PSD3: variants seen among roughly 807,000 people sequenced by gnomAD.
PSD3 encodes PH and SEC7 domain-containing protein 3.
In PSD3, 49 loss-of-function variants were observed where a neutral mutation model predicts 105.5. The ratio of observed to expected loss-of-function variants is 0.46; its 90% confidence interval spans 0.37 to 0.59. The LOEUF (loss-of-function observed/expected upper bound fraction) is 0.59, where lower values mean the gene tolerates loss of function less well. Ranked by LOEUF, PSD3 falls within the 20% of genes least tolerant of loss-of-function variation. PSD3 has a pLI of 0.00. For missense variants in PSD3, 1,561 were observed against 1,263.8 expected (o/e 1.24, Z -3.57); for synonymous variants, 557 against 457.8 (o/e 1.22, Z -2.77).
chr8:18,869,187 C>A (rs1332741339), intron 3 of PSD3, among the ~76,000 whole-genome samples: 1 of 106,454 alleles, frequency 9.4e-6, no homozygotes, highest in African/African-American at 4.1e-5. Flanking sequence ...CCACTCTCCC[C>A]TGCTTTTTTT....
intron 8 of PSD3, among the ~76,000 whole-genome samples, chr8:18,768,283 T>C (rs1807203499): frequency 6.7e-6 from 1 of 148,892 alleles, no homozygotes; most frequent in Non-Finnish European, 1.5e-5. Context: ...GAGAGTCCAG[T>C]TCAAAAAATA....
At chr8:18,593,145 C>T (rs1219005078) in intron 12 of PSD3, among the ~76,000 whole-genome samples, 3 of 152,076 alleles carry the variant, frequency 2.0e-5, no homozygotes, top group African/African-American at 7.2e-5. Context: ...AACTAAAGAG[C>T]TTCTGCACAG....
intron 9 of PSD3, among the ~76,000 whole-genome samples, chr8:18,665,440 A>G (rs772673349): frequency 3.9e-5 from 6 of 152,264 alleles, no homozygotes; most frequent in Non-Finnish European, 8.8e-5. Flanking sequence ...CTGCAATCTC[A>G]TGGTAAAACA....
intron 4 of PSD3, among the ~76,000 whole-genome samples, chr8:18,839,834 G>A (rs1244457749): frequency 6.6e-6 from 1 of 152,128 alleles, no homozygotes. Context: ...GCTCCACACT[G>A]TGTCTTCCCT....
rs112591304 is a variant in PSD3, at chr8:18,915,696, T to C, written c.130+20338A>G. ...CGATAAGGTATCACCTCGAATCTGT[T>C]AGAATGGCTAATATCAAAAAGATAA... is the stretch of plus-strand genomic sequence containing the variant. On this transcript the variant is annotated intron_variant, in intron 2 of 15. Transcript: ENST00000327040. Among the ~76,000 whole-genome samples, 1,089 of 152,242 alleles carry C rather than the reference T, an allele frequency of 7.2e-3. 4 individuals are homozygous for C. Among genetic ancestry groups the C allele is most frequent in the Middle Eastern group, 0.017 (5 of 294 alleles).
chr8:18,917,111 C>T lies in PSD3; in HGVS notation c.130+18923G>A, dbSNP rs531966260. 2.6e-5 allele frequency among the ~76,000 whole-genome samples: 4 copies of T among 152,200 alleles called. No individual in the cohort carries two copies. The South Asian group carries it at 8.3e-4, about 32-fold the overall frequency. The stretch of plus-strand genomic sequence containing the variant: ...CCAGCTGCCCAAAGCAGAAACTACC[C>T]TCAATGCCTTCACCTTCTTTTCTTC... On this transcript the variant is annotated intron_variant, in intron 2 of 15. Coordinates refer to ENST00000327040, the MANE Select transcript of PSD3 (RefSeq NM_015310.4).
chr8:18,565,544 T>G (rs1163912128), intron 14 of PSD3, among the ~76,000 whole-genome samples: 1 of 151,836 alleles, frequency 6.6e-6, no homozygotes, highest in African/African-American at 2.4e-5. Context: ...AATGACAGGG[T>G]GACAAACACT....
chr8:18,707,814 T>C (rs1249700251), intron 9 of PSD3, among the ~76,000 whole-genome samples: 1 of 152,140 alleles, frequency 6.6e-6, no homozygotes, highest in Non-Finnish European at 1.5e-5. Context: ...GGATGGGAAG[T>C]AAGAGACGCA....
intron 1 of PSD3, among the ~76,000 whole-genome samples, chr8:18,951,189 G>C (rs1304164725): frequency 6.6e-6 from 1 of 152,158 alleles, no homozygotes; most frequent in Non-Finnish European, 1.5e-5. Context: ...GAGCCCAGGA[G>C]TTCAAGACCA....
At chr8:18,940,820 T>C (rs934524549) in intron 1 of PSD3, among the ~76,000 whole-genome samples, 2 of 152,202 alleles carry the variant, frequency 1.3e-5, no homozygotes, top group Admixed American at 6.5e-5. Context: ...CATGGAGATC[T>C]ATCCGTCTTG....
chr8:18,571,438 TACC>T (rs1415285487), intron 14 of PSD3, among the ~76,000 whole-genome samples: 13 of 152,138 alleles, frequency 8.5e-5, no homozygotes, highest in African/African-American at 3.1e-4. Context: ...GCACATTAGG[TACC>T]ACATTTCCTC....
At chr8:18,590,718 A>G (rs1034980335) in intron 12 of PSD3, among the ~76,000 whole-genome samples, 4 of 152,188 alleles carry the variant, frequency 2.6e-5, no homozygotes, top group African/African-American at 9.7e-5. Context: ...AAAGTGGGGG[A>G]AAAGTTAAAT....
At chr8:18,811,470 TA>T (rs1216193261) in intron 4 of PSD3, among the ~76,000 whole-genome samples, 1 of 152,052 alleles carries the variant, frequency 6.6e-6, no homozygotes, top group Non-Finnish European at 1.5e-5. Flanking sequence ...GAGCTAAAAA[TA>T]AAGAATTTAA....
chr8:18,780,094 T>G (rs1013908057), intron 8 of PSD3, among the ~76,000 whole-genome samples: 16 of 152,212 alleles, frequency 1.1e-4, no homozygotes. Flanking sequence ...TTTCTATATC[T>G]GCATGCTCCA....
intron 11 of PSD3, among the ~76,000 whole-genome samples, chr8:18,618,463 A>T (rs1178052969): frequency 6.6e-6 from 1 of 151,382 alleles, no homozygotes; most frequent in Non-Finnish European, 1.5e-5. Flanking sequence ...TTTTGTCAAC[A>T]ATATCATTTT....
chr8:18,848,412 C>T (rs574416214), intron 4 of PSD3, among the ~76,000 whole-genome samples: 82 of 152,274 alleles, frequency 5.4e-4, no homozygotes, highest in Non-Finnish European at 9.3e-4. Context: ...AGAGCTGGTC[C>T]CCTGGTTGCA....
At chr8:18,824,885 G>C (rs1048900647) in intron 4 of PSD3, among the ~76,000 whole-genome samples, 2 of 152,062 alleles carry the variant, frequency 1.3e-5, no homozygotes, top group African/African-American at 2.4e-5. Context: ...TCAAGTATTT[G>C]AACAAACAAG....
At chr8:18,993,207 A>G (rs1420084632) in intron 1 of PSD3, among the ~76,000 whole-genome samples, 1 of 152,194 alleles carries the variant, frequency 6.6e-6, no homozygotes, top group Non-Finnish European at 1.5e-5. Context: ...TTTTCTCTTT[A>G]GATCATATTC....
chr8:18,704,620 G>C (rs1282462500), intron 9 of PSD3, among the ~76,000 whole-genome samples: 1 of 152,144 alleles, frequency 6.6e-6, no homozygotes, highest in Non-Finnish European at 1.5e-5. Flanking sequence ...GATTACAGGC[G>C]TGAGCCACCA....
Sources: allele counts gnomAD v4.1 joint callset (sites outside exome capture counted in the v4.1 genomes callset), GRCh38; gene constraint gnomAD v4.1.1; transcripts MANE v1.5; gene names NCBI Gene and HGNC (gene_info 2026-07-23, HGNC 2026-07-21).